Variants in TAMM41 observed in about 807,000 individuals in gnomAD.
TAMM41 encodes the protein phosphatidate cytidylyltransferase, mitochondrial.
In TAMM41, 36 loss-of-function variants were observed where a neutral mutation model predicts 44.1. That is an observed-to-expected ratio of 0.82 (90% CI 0.63 to 1.08). TAMM41 has a LOEUF of 1.08. Ranked by LOEUF, TAMM41 falls within the 50% of genes least tolerant of loss-of-function variation. The probability of loss-of-function intolerance (pLI) is 0.00; values close to 1 mark genes in which losing one functional copy is unlikely to be tolerated. For missense variants in TAMM41, 417 were observed against 404.3 expected (o/e 1.03, Z -0.27); for synonymous variants, 164 against 153.1 (o/e 1.07, Z -0.53).
the TAMM41 span, among the ~76,000 whole-genome samples, chr3:11,761,640 T>C: frequency 4.6e-5 from 7 of 152,184 alleles, 1 homozygote; most frequent in South Asian, 1.5e-3. Context: ...TGCATGTGCG[T>C]ATTTGAATAA....
chr3:11,813,278 C>G (rs915742075), intron 5 of TAMM41, among the ~76,000 whole-genome samples: 4 of 152,120 alleles, frequency 2.6e-5, no homozygotes, highest in African/African-American at 9.7e-5. Context: ...ACCAGTAATC[C>G]CAGCACTTTG....
chr3:11,779,662 C>T, the TAMM41 span, among the ~76,000 whole-genome samples: 10 of 152,168 alleles, frequency 6.6e-5, no homozygotes, highest in African/African-American at 2.4e-4. Context: ...CTGTGCTCCA[C>T]AGACTTCCTG....
chr3:11,787,794 A>G (rs1188919882), downstream of TAMM41, among the ~76,000 whole-genome samples: 1 of 152,064 alleles, frequency 6.6e-6, no homozygotes, highest in Non-Finnish European at 1.5e-5. Flanking sequence ...ACAGCTGGAA[A>G]GAGTTGAGAA....
At chr3:11,792,513 G>T (rs2077504113) in intron 7 of TAMM41, among the ~76,000 whole-genome samples, 1 of 152,212 alleles carries the variant, frequency 6.6e-6, no homozygotes, top group Admixed American at 6.5e-5. Flanking sequence ...GTGCACTTCT[G>T]TGCAGGGCGT....
chr3:11,757,472 C>T, the TAMM41 span, among the ~76,000 whole-genome samples: 2 of 152,126 alleles, frequency 1.3e-5, no homozygotes, highest in African/African-American at 4.8e-5. Flanking sequence ...TGTCACCTGT[C>T]CCTGGAGAGC....
chr3:11,789,838 G>C (rs1306496744), downstream of TAMM41, among the ~76,000 whole-genome samples: 2 of 152,210 alleles, frequency 1.3e-5, no homozygotes, highest in East Asian at 3.8e-4. Context: ...GCCTCAGCAC[G>C]ATGCTAACAC....
At chr3:11,813,295 T>C (rs1442917945) in intron 5 of TAMM41, among the ~76,000 whole-genome samples, 1 of 152,066 alleles carries the variant, frequency 6.6e-6, no homozygotes, top group African/African-American at 2.4e-5. Context: ...TTTGGGAGGC[T>C]GAAGCGGGCA....
chr3:11,802,433 C>A (rs2077781504), intron 7 of TAMM41, among the ~76,000 whole-genome samples: 1 of 151,976 alleles, frequency 6.6e-6, no homozygotes, highest in Admixed American at 6.6e-5. Context: ...ACTAGATGTC[C>A]ACAAACTAGA....
At chr3:11,803,608 C>CA (rs927317960) in intron 7 of TAMM41, among the ~76,000 whole-genome samples, 5 of 151,436 alleles carry the variant, frequency 3.3e-5, no homozygotes, top group Non-Finnish European at 5.9e-5. Context: ...AAAACAAAAA[C>CA]AAAAAAAACC....
At chr3:11,843,648 G>A (rs908807427) in intron 2 of TAMM41, 71 of 160,364 alleles carry the variant, frequency 4.4e-4, no homozygotes, top group African/African-American at 1.5e-3. Context: ...CCCGTGAGGC[G>A]GAGGTTGCAG....
the TAMM41 span, among the ~76,000 whole-genome samples, chr3:11,729,530 CTTTCTTTCATTTTTTTTTTTTTT>C: frequency 1.9e-5 from 1 of 52,824 alleles, no homozygotes; most frequent in African/African-American, 6.7e-5. Flanking sequence ...TCTTTCTTTT[CTTTCTTTCATTTTTTTTTTTTTT>C]TTTTTTTTTT....
intron 7 of TAMM41, among the ~76,000 whole-genome samples, chr3:11,801,408 C>T (rs74714822): frequency 0.14 from 20,745 of 151,982 alleles, 3,115 homozygotes; most frequent in East Asian, 0.48. Context: ...ACCGTAGCCT[C>T]AAACTCCTTT....
the TAMM41 span, among the ~76,000 whole-genome samples, chr3:11,760,704 G>A: frequency 6.6e-6 from 1 of 152,000 alleles, no homozygotes; most frequent in Non-Finnish European, 1.5e-5. Context: ...GGGACTATAG[G>A]GGCCCGCCAC....
intron 7 of TAMM41, among the ~76,000 whole-genome samples, chr3:11,797,109 C>T (rs2077623912): frequency 6.6e-6 from 1 of 152,184 alleles, no homozygotes; most frequent in Admixed American, 6.5e-5. Flanking sequence ...TCCTATTAAA[C>T]TACCAATGAC....
the TAMM41 span, among the ~76,000 whole-genome samples, chr3:11,777,857 T>C: frequency 6.6e-6 from 1 of 152,120 alleles, no homozygotes; most frequent in Non-Finnish European, 1.5e-5. Context: ...ATCATACAGT[T>C]TTAGAACATT....
intron 4 of TAMM41, among the ~76,000 whole-genome samples, chr3:11,825,127 G>A (rs932331020): frequency 5.9e-5 from 9 of 152,152 alleles, no homozygotes; most frequent in Non-Finnish European, 1.0e-4. Context: ...ATGCTAGCTC[G>A]GCATTTACAA....
the TAMM41 span, among the ~76,000 whole-genome samples, chr3:11,726,774 G>C: frequency 6.9e-6 from 1 of 145,860 alleles, no homozygotes; most frequent in East Asian, 2.0e-4. Context: ...CTGCACTCCA[G>C]CCTGGCAGCC....
chr3:11,771,130 T>G, the TAMM41 span: 5 of 152,330 alleles, frequency 3.3e-5, no homozygotes, highest in Admixed American at 2.6e-4. Context: ...GGCACGCCCT[T>G]TATGAATTAT....
Position 11,809,531 on chromosome 3 carries a change from T to C in TAMM41, c.860A>G (p.Asp287Gly), listed in dbSNP as rs1179328921. Residue 287 changes from aspartate (D) to glycine (G), a missense_variant, in exon 6 of 8, where the codon GAT (aspartate) becomes GGT (glycine). Coordinates refer to ENST00000455809, the MANE Select transcript of TAMM41 (RefSeq NM_001284401.2). ...CATAAACGTACCTAGTCGCACCACA[T>C]CTCCACAGTCGGGATCATGAGCCAC... Reference protein sequence around the residue: ...FQVAHDPDCGDVVRLGLSAIV... With the variant: ...FQVAHDPDCGGVVRLGLSAIV... 1 of 1,613,892 alleles carries C rather than the reference T, an allele frequency of 6.2e-7. No homozygotes were observed. The highest frequency in any genetic ancestry group is 1.1e-5 in the South Asian group (1 of 90,950).
Sources: gnomAD v4.1 joint callset for allele counts (sites outside exome capture counted in the v4.1 genomes callset) on GRCh38, gnomAD v4.1.1 for gene constraint, MANE v1.5 for transcripts, NCBI Gene and HGNC (gene_info 2026-07-23, HGNC 2026-07-21) for gene names.